Variants in DACT2 observed in about 807,000 individuals in gnomAD.
DACT2 encodes the protein dishevelled binding antagonist of beta catenin 2, also known as dapper homolog 2.
A neutral mutation model predicts 22.2 loss-of-function variants in DACT2; 20 were observed. The ratio of observed to expected loss-of-function variants is 0.90; its 90% CI spans 0.63 to 1.31. DACT2 has a LOEUF of 1.31. Ranked by LOEUF, DACT2 falls within the 50% of genes most tolerant of loss-of-function variation. DACT2 has a pLI of 0.00. For synonymous variants in DACT2, 463 were observed against 479.8 expected (o/e 0.96, Z 0.46); for missense variants, 1,048 against 1,061.4 (o/e 0.99, Z 0.18).
rs764111148 is a variant in DACT2, at chr6:168,308,994, C to T, written c.763G>A (p.Val255Met). ...TCCTGCCGATACTTGGGGTCCGGCA[C>T]GTGCAGCGGGATATCCACCCCCTGG... Reference protein sequence around the residue: ...LCQGVDIPLHVPDPKYRQDLV... With the variant: ...LCQGVDIPLHMPDPKYRQDLV... The change falls in exon 4 of 4, where the codon GTG (valine) becomes ATG (methionine). Residue 255 changes from valine (V) to methionine (M), a missense_variant. Coordinates refer to ENST00000366795, the MANE Select transcript of DACT2 (RefSeq NM_214462.5). 1.5e-5 allele frequency: 23 copies of T among 1,548,926 alleles called. No homozygotes were observed. The highest frequency in any genetic ancestry group is 2.4e-5 in the East Asian group (1 of 40,928).
intron 3 of DACT2, among the ~76,000 whole-genome samples, chr6:168,301,007 AAAAAAAC>A (rs1328146662): frequency 1.3e-5 from 2 of 150,902 alleles, no homozygotes; most frequent in Non-Finnish European, 3.0e-5. Flanking sequence ...ACAAACAAAC[AAAAAAAC>A]AAAAAACAAA....
At chr6:168,309,473 A>AGACACCGGGTGCGGGGCCG (rs1212851980) in intron 3 of DACT2, among the ~76,000 whole-genome samples, 1 of 63,840 alleles carries the variant, frequency 1.6e-5, no homozygotes, top group Non-Finnish European at 3.0e-5. Flanking sequence ...GCGGGGCCCT[A>AGACACCGGGTGCGGGGCCG]TTTGCGCCTG....
Position 168,310,232 on chromosome 6 carries a change from G to A in DACT2, c.594C>T (p.Pro198=). The change falls in exon 3 of 4, where the codon CCC becomes CCT. Residue 198 remains proline (P), a synonymous_variant. Coordinates refer to ENST00000366795, the MANE Select transcript of DACT2 (RefSeq NM_214462.5). The stretch of plus-strand genomic sequence containing the variant: ...GGCCTGCATCCTCCACGCTCCCTGG[G>A]GGCCTGGCGCCCTCCTCGGTAGCCT... The part of the protein sequence containing the change: ...RPQATEEGAR[P]PGSVEDAGQP... 1.0e-5 allele frequency: 16 copies of A among 1,551,132 alleles called. No individual in the cohort carries two copies. The highest frequency in any genetic ancestry group is 1.4e-5 in the Non-Finnish European group (16 of 1,146,988).
chr6:168,319,434 G>C lies in DACT2; in HGVS notation c.200C>G (p.Pro67Arg). ...APCGPHGLHG[P>R]EQQLEAALAA... is the part of the protein sequence containing the mutation. ...CAGCGCCGCCTCCAGCTGCTGCTCG[G>C]GGCCGTGGAGGCCGTGGGGGCCGCA... The change falls in exon 1 of 4, where the codon CCC (proline) becomes CGC (arginine). Residue 67 changes from proline to arginine, a missense_variant. Pro to Arg is a moderately radical substitution (Grantham distance 103, BLOSUM62 -2). Coordinates refer to ENST00000366795, the MANE Select transcript of DACT2 (RefSeq NM_214462.5). The C allele has an allele frequency of 8.3e-7, 1 of 1,206,112 alleles. No homozygotes were observed. The highest frequency in any genetic ancestry group is 1.0e-6 in the Non-Finnish European group (1 of 972,148). 74.7% of individuals were successfully genotyped at this position (1,206,112 alleles called of 1,614,324 possible). A position where few individuals can be genotyped will look rare whatever the true frequency, so the allele number is the denominator to read the frequency against.
At position 168,307,693 on chromosome 6, in the gene DACT2, G is replaced by T. The variant is rs1354233272; in HGVS notation, c.2064C>A (p.Asp688Glu). ...IPETSEGESSDHTTNRFGDRE... is the reference protein window; with the variant it reads ...IPETSEGESSEHTTNRFGDRE... Reference sequence around the variant, plus strand: ...GGTCTCCGAATCGGTTGGTGGTGTGGTCACTGGACTCTCCCTCGCTGGTCT... The same window carrying T: ...GGTCTCCGAATCGGTTGGTGGTGTGTTCACTGGACTCTCCCTCGCTGGTCT... The change falls in exon 4 of 4, where the codon GAC becomes GAA. Residue 688 changes from aspartate (D) to glutamate (E), a missense_variant. Transcript: ENST00000366795. The surrounding 1 kb of genome is among the most constrained non-coding windows in gnomAD (Gnocchi z 5.3). 4 of 1,550,486 alleles carry T rather than the reference G, an allele frequency of 2.6e-6. No individual in the cohort carries two copies. In the East Asian group the frequency reaches 9.8e-5, roughly 38 times the overall value.
At chr6:168,302,052 A>C (rs936629051), downstream of DACT2, 5 of 152,664 alleles carry the variant, frequency 3.3e-5, no homozygotes, top group African/African-American at 1.2e-4. Flanking sequence ...CCAGCTCCTC[A>C]CTGCCCAGCT....
intron 3 of DACT2, chr6:168,294,800 C>A (rs1021649622): frequency 4.2e-6 from 2 of 472,022 alleles, no homozygotes; most frequent in East Asian, 7.4e-5. Context: ...ATTCTGCATG[C>A]AACTTAGATT....
At position 168,307,824 on chromosome 6, in the gene DACT2, G is replaced by A. The variant is rs757938965; in HGVS notation, c.1933C>T (p.Arg645Trp). The change falls in exon 4 of 4, where the codon CGG (arginine) becomes TGG (tryptophan). Residue 645 changes from arginine (R) to tryptophan (W), a missense_variant. By Grantham distance (101) the Arg-to-Trp change is moderately radical. Coordinates refer to ENST00000366795, the MANE Select transcript of DACT2 (RefSeq NM_214462.5). The surrounding 1 kb of genome is among the most constrained non-coding windows in gnomAD (Gnocchi z 5.3). The stretch of plus-strand genomic sequence containing the variant: ...TGGCGGACCAGTGAGGGACGGCCCC[G>A]GGCCAGTGGGCCACCTGCTCTCCTG... ...VARRAGGPLA[R>W]GRPSLVRQDA... The A allele has an allele frequency of 4.2e-5, 64 of 1,538,614 alleles. No individual in the cohort carries two copies. The highest frequency in any genetic ancestry group is 4.1e-4 in the Admixed American group (21 of 50,848).
In DACT2 at chr6:168,310,375, T is replaced by G. The variant is rs1211167358; in HGVS notation, c.451A>C (p.Ile151Leu). ...AACAAACTGCCCAGCGAGGGAGAGA[T>G]GTGGTCACTGCAGACGGAGGCACAG... ...TSCASVCSDH[I>L]SPSLGSLLPV... The change falls in exon 3 of 4, where the codon ATC (isoleucine) becomes CTC (leucine). Residue 151 changes from isoleucine to leucine, a missense_variant. Physicochemically the swap from Ile to Leu is conservative, Grantham distance 5 (BLOSUM62 2). Coordinates refer to ENST00000366795, the MANE Select transcript of DACT2 (RefSeq NM_214462.5). 1 of 1,551,588 alleles carries G rather than the reference T, an allele frequency of 6.4e-7. No homozygotes were observed. Among genetic ancestry groups the G allele is most frequent in the Non-Finnish European group, 8.7e-7 (1 of 1,146,956 alleles).
chr6:168,295,864 G>A (rs1467638014), intron 3 of DACT2, among the ~76,000 whole-genome samples: 2 of 152,250 alleles, frequency 1.3e-5, no homozygotes, highest in African/African-American at 2.4e-5. Flanking sequence ...TGTCACTGGA[G>A]GATGAAGAAA....
chr6:168,314,980 C>T (rs970412273), intron 1 of DACT2, among the ~76,000 whole-genome samples: 26 of 152,180 alleles, frequency 1.7e-4, no homozygotes, highest in African/African-American at 6.3e-4. Context: ...TGAGCAAGTT[C>T]TCACCCTGCC....
chr6:168,296,848 A>C (rs1450849388), intron 3 of DACT2, among the ~76,000 whole-genome samples: 2 of 152,196 alleles, frequency 1.3e-5, no homozygotes, highest in African/African-American at 4.8e-5. Flanking sequence ...AAACACCATC[A>C]ACAAATTTAT....
chr6:168,306,397 C>CAA (rs10689901), downstream of DACT2, among the ~76,000 whole-genome samples: 26,485 of 149,708 alleles, frequency 0.18, 3,990 homozygotes, highest in African/African-American at 0.41. Flanking sequence ...AAGTAAACAC[C>CAA]AAAAAAAAAG....
chr6:168,307,942 C>T lies in DACT2; in HGVS notation c.1815G>A (p.Lys605=). The change falls in exon 4 of 4, where the codon AAG becomes AAA. Residue 605 remains lysine (K), a synonymous_variant. Coordinates refer to ENST00000366795, the MANE Select transcript of DACT2 (RefSeq NM_214462.5). This position sits in a 1 kb window ranked among gnomAD's most constrained non-coding sequence, Gnocchi z 5.3. ...ASLLTSVARR[K]HRRWQSTVEI... ...CCACGGTGGACTGCCAGCGGCGATGCTTCCTCCTGGCCACTGAGGTGAGCA... is the reference window on the plus strand; with the variant it reads ...CCACGGTGGACTGCCAGCGGCGATGTTTCCTCCTGGCCACTGAGGTGAGCA... The T allele has an allele frequency of 1.3e-6, 2 of 1,549,406 alleles. No homozygotes were observed. The highest frequency in any genetic ancestry group is 1.7e-6 in the Non-Finnish European group (2 of 1,146,872).
chr6:168,314,807 A>G (rs1779506232), intron 1 of DACT2, among the ~76,000 whole-genome samples: 1 of 152,182 alleles, frequency 6.6e-6, no homozygotes, highest in African/African-American at 2.4e-5. Flanking sequence ...TTCCAAGGCT[A>G]TCCCCTCCAT....
chr6:168,306,608 ATTTTT>A (rs61347395), downstream of DACT2, among the ~76,000 whole-genome samples: 1 of 142,290 alleles, frequency 7.0e-6, no homozygotes, highest in African/African-American at 2.6e-5. Context: ...AAACCCAGCT[ATTTTT>A]TTTTTTTTTT....
chr6:168,301,995 G>C (rs1195102491), downstream of DACT2: 1 of 152,912 alleles, frequency 6.5e-6, no homozygotes, highest in Non-Finnish European at 1.5e-5. Flanking sequence ...CCACTCGCCT[G>C]TCTTCCTCTC....
Position 168,319,701 on chromosome 6 carries a change from C to T in DACT2, c.-68G>A. ...CCGGAGGCCCAGCGCGCGCGGATCC[C>T]GAGCTGTGTCGCGGGTCCTCCTGCG... On this transcript the variant is annotated 5_prime_UTR_variant, in exon 1 of 4. Transcript: ENST00000366795. The T allele has an allele frequency of 2.5e-6, 3 of 1,188,724 alleles. No homozygotes were observed. Among genetic ancestry groups the T allele is most frequent in the Non-Finnish European group, 3.1e-6 (3 of 959,690 alleles). 73.6% of individuals were successfully genotyped at this position (1,188,724 alleles called of 1,614,324 possible). A position where few individuals can be genotyped will look rare whatever the true frequency, so the allele number is the denominator to read the frequency against.
intron 3 of DACT2, among the ~76,000 whole-genome samples, chr6:168,295,308 C>T (rs963960163): frequency 4.6e-5 from 7 of 152,188 alleles, no homozygotes; most frequent in African/African-American, 1.4e-4. Context: ...TTTGCTTTTG[C>T]TTCAGAACCT....
Sources: gnomAD v4.1 joint callset for allele counts (sites outside exome capture counted in the v4.1 genomes callset) on GRCh38, gnomAD v4.1.1 for gene constraint, Gnocchi (gnomAD v3.1) non-coding constraint, MANE v1.5 for transcripts, NCBI Gene and HGNC (gene_info 2026-07-23, HGNC 2026-07-21) for gene names.